The following ALCAM variants were observed in gnomAD, a reference collection of about 807,000 sequenced individuals.
The protein encoded by ALCAM is activated leukocyte cell adhesion molecule.
A neutral mutation model predicts 70.9 loss-of-function variants in ALCAM; 30 were observed. That is an observed-to-expected ratio of 0.42 (90% confidence interval 0.32 to 0.57). The LOEUF (loss-of-function observed/expected upper bound fraction) is 0.57. Ranked by LOEUF, ALCAM falls within the 20% of genes least tolerant of loss-of-function variation. ALCAM has a pLI of 0.11. For missense variants in ALCAM, 591 were observed against 695.1 expected (o/e 0.85, Z 1.68); for synonymous variants, 249 against 242.5 (o/e 1.03, Z -0.25).
intron 1 of ALCAM, among the ~76,000 whole-genome samples, chr3:105,441,446 A>G (rs1157785567): frequency 6.6e-6 from 1 of 152,208 alleles, no homozygotes; most frequent in Non-Finnish European, 1.5e-5. Context: ...TTCATTATGT[A>G]TAGCTCATTA....
intron 10 of ALCAM, 25 bp from the exon 11 acceptor site, chr3:105,547,365 T>C (rs761383282): frequency 1.3e-6 from 2 of 1,592,894 alleles, no homozygotes; most frequent in African/African-American, 1.4e-5. Flanking sequence ...CAGTTCAACA[T>C]CTTATTTTAA....
Position 105,520,188 on chromosome 3 carries a change from A to G in ALCAM, c.174+21A>G, listed in dbSNP as rs560103861. On this transcript the variant is annotated intron_variant, in intron 2 of 15. Transcript: ENST00000306107. ...AATATGTAAGTGTGACCTACCTGGG[A>G]CTTGGTTAATTGCCCTTGTTCTTTT... 214 of 1,526,918 alleles carry G rather than the reference A, an allele frequency of 1.4e-4. 3 individuals carry two copies. In the South Asian group the frequency reaches 1.7e-3, roughly 12 times the overall value. The allele number at this position is 1,526,918 out of a possible 1,614,324, so 94.6% of individuals were successfully genotyped here. A position where few individuals can be genotyped will look rare whatever the true frequency, so the allele number is the denominator to read the frequency against.
chr3:105,410,111 C>T (rs189093764), intron 1 of ALCAM, among the ~76,000 whole-genome samples: 2 of 152,068 alleles, frequency 1.3e-5, no homozygotes, highest in East Asian at 1.9e-4. Flanking sequence ...GAGTACCAAC[C>T]GGAACTTGAA....
In ALCAM at chr3:105,510,764, G is replaced by A. The variant is rs559330741; in HGVS notation, c.74-9303G>A. ...TAAGAACTTGTTTTCCTTATCCAGT[G>A]TTTTTGTTTATGTTTTACCACCTTG... On this transcript the variant is annotated intron_variant, in intron 1 of 15. Transcript: ENST00000306107. Among the ~76,000 whole-genome samples the A allele has an allele frequency of 5.9e-5, 9 of 152,130 alleles. No individual in the cohort carries two copies. The South Asian group carries it at 1.7e-3, about 28-fold the overall frequency.
At chr3:105,439,551 C>T (rs967718779) in intron 1 of ALCAM, 2 of 152,042 alleles carry the variant, frequency 1.3e-5, no homozygotes, top group African/African-American at 4.8e-5. Flanking sequence ...TTGAAATAAG[C>T]TTATGATCTT....
chr3:105,541,854 A>G, intron 8 of ALCAM, 89 bp downstream of exon 8: 2 of 1,463,444 alleles, frequency 1.4e-6, no homozygotes, highest in South Asian at 2.5e-5. Flanking sequence ...CTGCACGTAT[A>G]TCTTTCTTAA....
Position 105,439,066 on chromosome 3 carries a change from G to T in ALCAM, c.73+71585G>T, listed in dbSNP as rs77923583. On this transcript the variant is annotated intron_variant, in intron 1 of 15. Coordinates refer to ENST00000306107, the MANE Select transcript of ALCAM (RefSeq NM_001627.4). ...CCTGCCAGAGCAAGATGGCTGGGGG[G>T]CCTTAGACAGTGAGTAATCAAAATT... is the stretch of plus-strand genomic sequence containing the variant. Among the ~76,000 whole-genome samples, 7 of 152,280 alleles carry T rather than the reference G, an allele frequency of 4.6e-5. No individual in the cohort carries two copies. In the East Asian group the frequency reaches 1.4e-3, roughly 29 times the overall value.
intron 6 of ALCAM, among the ~76,000 whole-genome samples, chr3:105,538,951 G>C (rs1405194183): frequency 2.6e-5 from 4 of 151,926 alleles, no homozygotes; most frequent in Admixed American, 2.0e-4. Context: ...TCTATAGAAA[G>C]GTAAATAAAT....
intron 1 of ALCAM, among the ~76,000 whole-genome samples, chr3:105,385,570 C>A (rs1037604433): frequency 1.3e-5 from 2 of 151,646 alleles, no homozygotes; most frequent in Non-Finnish European, 3.0e-5. Flanking sequence ...AAATTTGAAT[C>A]TCTTCTCGAT....
At chr3:105,420,995 C>G (rs759319482) in intron 1 of ALCAM, among the ~76,000 whole-genome samples, 1 of 151,046 alleles carries the variant, frequency 6.6e-6, no homozygotes, top group Non-Finnish European at 1.5e-5. Flanking sequence ...AAGTTAACTC[C>G]GGGGCAACTT....
intron 4 of ALCAM, among the ~76,000 whole-genome samples, chr3:105,532,470 G>A (rs1370480244): frequency 6.6e-6 from 1 of 152,120 alleles, no homozygotes; most frequent in African/African-American, 2.4e-5. Flanking sequence ...GGGCATAGCG[G>A]TACATGCCTG....
At chr3:105,534,601 T>G in intron 5 of ALCAM, 62 bp from the exon 6 acceptor site, 2 of 1,505,736 alleles carry the variant, frequency 1.3e-6, no homozygotes, top group South Asian at 2.3e-5. Context: ...TGGTGCTGTT[T>G]CGTTAAGGAT....
intron 1 of ALCAM, among the ~76,000 whole-genome samples, chr3:105,419,503 G>T (rs1936591286): frequency 6.6e-6 from 1 of 151,796 alleles, no homozygotes; most frequent in South Asian, 2.1e-4. Flanking sequence ...TTGACAGCTG[G>T]TAGAGGTGAT....
intron 15 of ALCAM, among the ~76,000 whole-genome samples, chr3:105,573,985 C>G (rs548495348): frequency 1.3e-5 from 2 of 152,200 alleles, no homozygotes; most frequent in Non-Finnish European, 2.9e-5. Flanking sequence ...GATTGCTTCT[C>G]TATCTCACCT....
chr3:105,503,991 T>G (rs539451134), intron 1 of ALCAM, among the ~76,000 whole-genome samples: 1 of 152,344 alleles, frequency 6.6e-6, no homozygotes, highest in East Asian at 1.9e-4. Context: ...ATTATTCCAA[T>G]AAATAAAAGC....
intron 8 of ALCAM, among the ~76,000 whole-genome samples, chr3:105,543,108 G>A (rs919942551): frequency 6.6e-6 from 1 of 151,686 alleles, no homozygotes; most frequent in Non-Finnish European, 1.5e-5. Flanking sequence ...TAGAGATGGT[G>A]TGATGTGCTT....
At chr3:105,386,583 G>C (rs530765780) in intron 1 of ALCAM, among the ~76,000 whole-genome samples, 1 of 151,352 alleles carries the variant, frequency 6.6e-6, no homozygotes, top group South Asian at 2.1e-4. Flanking sequence ...GTCTAGACTT[G>C]GGCTTGTCAT....
At chr3:105,554,087 T>G (rs770161550) in intron 14 of ALCAM, among the ~76,000 whole-genome samples, 1 of 151,658 alleles carries the variant, frequency 6.6e-6, no homozygotes, top group South Asian at 2.1e-4. Context: ...ATCAAACCAG[T>G]AGAGGGTGTG....
At chr3:105,463,713 C>T (rs1289439070) in intron 1 of ALCAM, among the ~76,000 whole-genome samples, 1 of 151,324 alleles carries the variant, frequency 6.6e-6, no homozygotes, top group East Asian at 1.9e-4. Flanking sequence ...ATGTCTACTA[C>T]ATTTTTCCCA....
Sources: gnomAD v4.1 joint callset for allele counts (sites outside exome capture counted in the v4.1 genomes callset) on GRCh38, gnomAD v4.1.1 for gene constraint, MANE v1.5 for transcripts, NCBI Gene and HGNC (gene_info 2026-07-23, HGNC 2026-07-21) for gene names.